The following BBOF1 variants were observed in gnomAD, a reference collection of about 807,000 sequenced individuals.
BBOF1 encodes the protein basal body orientation factor 1, also known as basal body-orientation factor 1.
A neutral mutation model predicts 68.0 loss-of-function variants in BBOF1; 62 were observed. That is an observed-to-expected ratio of 0.91 (90% confidence interval 0.74 to 1.13). The LOEUF is 1.13. BBOF1 is among the 50% of genes most tolerant of loss of function. BBOF1 has a pLI of 0.00. For missense variants in BBOF1, 534 were observed against 600.1 expected (o/e 0.89, Z 1.15); for synonymous variants, 208 against 198.8 (o/e 1.05, Z -0.39).
At chr14:74,069,195 C>T (rs1739076839), downstream of BBOF1, 2 of 438,570 alleles carry the variant, frequency 4.6e-6, no homozygotes, top group South Asian at 4.2e-5. Flanking sequence ...ACCTCCGCCT[C>T]CCAGGTTCAA....
chr14:74,060,644 A>T (rs780217092), intron 11 of BBOF1: 3 of 1,606,138 alleles, frequency 1.9e-6, no homozygotes, highest in Non-Finnish European at 2.6e-6. Flanking sequence ...ACTTGTTTCT[A>T]ACGGCCCATG....
At chr14:74,076,672 G>A (rs1396982954) in intron 9 of BBOF1, among the ~76,000 whole-genome samples, 1 of 152,150 alleles carries the variant, frequency 6.6e-6, no homozygotes, top group Non-Finnish European at 1.5e-5. Flanking sequence ...GAGTAGCTGA[G>A]ATTACAGACA....
chr14:74,046,370 G>T (rs2059949109), intron 6 of BBOF1, among the ~76,000 whole-genome samples: 1 of 151,818 alleles, frequency 6.6e-6, no homozygotes, highest in African/African-American at 2.4e-5. Flanking sequence ...CTTATTTATT[G>T]ATTTATTTTT....
intron 11 of BBOF1, among the ~76,000 whole-genome samples, chr14:74,063,073 T>C (rs977661653): frequency 6.6e-6 from 1 of 152,172 alleles, no homozygotes; most frequent in African/African-American, 2.4e-5. Context: ...ATTTCTTCCT[T>C]TTCTTCTCAT....
At chr14:74,080,658 G>C (rs1169832948) in intron 10 of BBOF1, among the ~76,000 whole-genome samples, 2 of 152,236 alleles carry the variant, frequency 1.3e-5, no homozygotes, top group African/African-American at 4.8e-5. Flanking sequence ...GCCAGGGCTG[G>C]TTTTGAACTC....
At chr14:74,035,413 C>CTTTT (rs35957144) in intron 4 of BBOF1, among the ~76,000 whole-genome samples, 4 of 97,364 alleles carry the variant, frequency 4.1e-5, no homozygotes, top group African/African-American at 7.9e-5. Flanking sequence ...CATATGGGCC[C>CTTTT]TTTTTTTTTT....
chr14:74,036,400 C>G (rs573759064), intron 4 of BBOF1, among the ~76,000 whole-genome samples: 1 of 151,946 alleles, frequency 6.6e-6, no homozygotes. Context: ...AGTTGTCTTT[C>G]GGTGAGGCAC....
Position 74,065,257 on chromosome 14 carries a change from T to C in BBOF1, c.*558T>C. 6.2e-7 allele frequency: 1 copy of C among 1,614,130 alleles called. No individual in the cohort carries two copies. The highest frequency in any genetic ancestry group is 8.5e-7 in the Non-Finnish European group (1 of 1,179,990). ...GGTGAAGATGGCAGTTCCATTTCCA[T>C]ATGGGTTGTTATTTACAATCTGGAT... On this transcript the variant is annotated 3_prime_UTR_variant, in exon 12 of 12. Coordinates refer to ENST00000394009, the MANE Select transcript of BBOF1 (RefSeq NM_025057.3).
At position 74,071,832 on chromosome 14, in the gene BBOF1, C is replaced by T. The variant is rs111824463; in HGVS notation, n.1380-6364C>T. The stretch of plus-strand genomic sequence containing the variant: ...AAGGAAGAAGCAACCTCCCATTCTG[C>T]GATCTTTGCCTCCCATCTTCCTTTG... On this transcript the variant is annotated intron_variant and non_coding_transcript_variant, in intron 9 of 12. Transcript: ENST00000492026. The T allele has an allele frequency of 3.1e-3, 4,885 of 1,562,796 alleles. 143 individuals carry two copies. In the African/African-American group the frequency reaches 0.059, roughly 19 times the overall value.
chr14:74,077,230 T>C (rs909183083), intron 9 of BBOF1, among the ~76,000 whole-genome samples: 1 of 152,156 alleles, frequency 6.6e-6, no homozygotes, highest in African/African-American at 2.4e-5. Flanking sequence ...CTGAATAAAA[T>C]AGAAGCCCAT....
chr14:74,047,833 G>C, intron 6 of BBOF1, 97 bp from the exon 7 acceptor site: 2 of 1,048,034 alleles, frequency 1.9e-6, no homozygotes, highest in Non-Finnish European at 2.7e-6. Context: ...AGTCACTATT[G>C]ATAATATTGG....
downstream of BBOF1, among the ~76,000 whole-genome samples, chr14:74,068,378 CA>C (rs952515901): frequency 4.6e-5 from 6 of 130,466 alleles, no homozygotes; most frequent in African/African-American, 1.5e-4. Flanking sequence ...GACTCTGTCT[CA>C]AAAAAAAAGA....
chr14:74,056,869 C>A, intron 9 of BBOF1, 37 bp from the exon 10 acceptor site: 1 of 1,409,870 alleles, frequency 7.1e-7, no homozygotes, highest in Non-Finnish European at 1.0e-6. Context: ...GAGACACTGC[C>A]TCATTCATTA....
chr14:74,024,725 C>A (rs1405366636), intron 2 of BBOF1, among the ~76,000 whole-genome samples: 1 of 152,268 alleles, frequency 6.6e-6, no homozygotes, highest in East Asian at 1.9e-4. Context: ...GTTGGCCTCC[C>A]AAAGTGCTGG....
chr14:74,072,868 C>T (rs901005244), intron 9 of BBOF1, among the ~76,000 whole-genome samples: 4 of 151,074 alleles, frequency 2.6e-5, no homozygotes, highest in Admixed American at 2.6e-4. Context: ...GGTATGATCT[C>T]GGCTCACTGC....
intron 4 of BBOF1, 90 bp downstream of exon 4, chr14:74,034,261 C>T (rs534861459): frequency 6.3e-5 from 49 of 775,358 alleles, no homozygotes; most frequent in South Asian, 1.4e-4. Flanking sequence ...TCCTGTGAGA[C>T]GGCAAAGAAC....
At chr14:74,032,077 T>C (rs1489869956) in intron 3 of BBOF1, among the ~76,000 whole-genome samples, 1 of 152,060 alleles carries the variant, frequency 6.6e-6, no homozygotes, top group Non-Finnish European at 1.5e-5. Flanking sequence ...AGATTGCCTG[T>C]TTCCTCACAG....
rs1344911080 is a variant in BBOF1, at chr14:74,046,075, G to A, written c.592G>A (p.Glu198Lys). ...FFEEKHRLEQ[E>K]AEKKIIMLAE... is the part of the protein sequence containing the mutation. ...TCTTTTTTAGCACCGACTAGAACAA[G>A]AGGCTGAAAAGAAGATAATAATGCT... Residue 198 changes from glutamate (E) to lysine (K), a missense_variant, in exon 6 of 12, where the codon GAG (glutamate) becomes AAG (lysine). By Grantham distance (56) the Glu-to-Lys change is moderately conservative. Coordinates refer to ENST00000394009, the MANE Select transcript of BBOF1 (RefSeq NM_025057.3). 6.2e-7 allele frequency: 1 copy of A among 1,608,250 alleles called. No homozygotes were observed. Among genetic ancestry groups the A allele is most frequent in the African/African-American group, 1.3e-5 (1 of 74,860 alleles).
At chr14:74,073,110 ATTTTTTATTTTTTT>A (rs1428672533) in intron 9 of BBOF1, among the ~76,000 whole-genome samples, 1 of 151,062 alleles carries the variant, frequency 6.6e-6, no homozygotes, top group Non-Finnish European at 1.5e-5. Flanking sequence ...CTTATTTTTT[ATTTTTTATTTTTTT>A]GAGACATGGT....
Sources: gnomAD v4.1 joint callset for allele counts (sites outside exome capture counted in the v4.1 genomes callset) on GRCh38, gnomAD v4.1.1 for gene constraint, MANE v1.5 for transcripts, NCBI Gene and HGNC (gene_info 2026-07-23, HGNC 2026-07-21) for gene names.